The following ROBO1 variants were observed in gnomAD, a reference collection of about 807,000 sequenced individuals.
ROBO1 encodes roundabout homolog 1.
Under a neutral mutation model 195.9 loss-of-function variants are expected in ROBO1, and 149 were observed. The ratio of observed to expected loss-of-function variants is 0.76; its 90% CI spans 0.67 to 0.87. ROBO1 has a LOEUF of 0.87. Ranked by LOEUF, ROBO1 falls within the 40% of genes least tolerant of loss-of-function variation. The probability of loss-of-function intolerance (pLI) is 0.00; values close to 1 mark genes in which losing one functional copy is unlikely to be tolerated. For missense variants in ROBO1, 1,933 were observed against 2,068.3 expected (o/e 0.93, Z 1.27); for synonymous variants, 816 against 733.2 (o/e 1.11, Z -1.82).
In ROBO1 at chr3:79,697,422, T is replaced by C. The variant is rs578144990; in HGVS notation, c.-51+70330A>G. ...AATATCCAATGAGCTAGATTTAATT[T>C]TGAAATGGTCATCATATCTTAAGGA... On this transcript the variant is annotated intron_variant, in intron 1 of 30. Transcript: ENST00000464233. Among the ~76,000 whole-genome samples, 26 of 151,578 alleles carry C rather than the reference T, an allele frequency of 1.7e-4. No individual in the cohort carries two copies. In the South Asian group the frequency reaches 5.2e-3, roughly 30 times the overall value.
At chr3:79,212,581 G>T (rs962243780) in intron 2 of ROBO1, among the ~76,000 whole-genome samples, 1 of 152,112 alleles carries the variant, frequency 6.6e-6, no homozygotes, top group Non-Finnish European at 1.5e-5. Context: ...AGCACTTTGG[G>T]AGACTGAGGG....
intron 3 of ROBO1, among the ~76,000 whole-genome samples, chr3:78,982,924 A>AT (rs946510173): frequency 6.7e-6 from 1 of 149,422 alleles, no homozygotes; most frequent in African/African-American, 2.5e-5. Flanking sequence ...TTTTTTTTTT[A>AT]TTTTTTTGAG....
chr3:78,780,058 G>C (rs1340088041), intron 4 of ROBO1, among the ~76,000 whole-genome samples: 1 of 152,070 alleles, frequency 6.6e-6, no homozygotes, highest in Admixed American at 6.6e-5. Flanking sequence ...TTTACAATGA[G>C]AACACATGGA....
intron 2 of ROBO1, among the ~76,000 whole-genome samples, chr3:79,216,021 GTTGA>G (rs1385416691): frequency 5.9e-5 from 9 of 151,984 alleles, no homozygotes; most frequent in African/African-American, 2.2e-4. Context: ...AATTTTAACT[GTTGA>G]TTATTTTCTC....
chr3:78,951,189 C>T (rs376749145), intron 3 of ROBO1, among the ~76,000 whole-genome samples: 7 of 151,660 alleles, frequency 4.6e-5, no homozygotes, highest in Admixed American at 3.3e-4. Context: ...CGGATGAAAG[C>T]CTCCAAGTCC....
At chr3:79,730,686 A>G (rs1299110009) in intron 1 of ROBO1, among the ~76,000 whole-genome samples, 2 of 151,890 alleles carry the variant, frequency 1.3e-5, no homozygotes, top group East Asian at 3.9e-4. Context: ...AGAAACATGT[A>G]CCAAAAGTTC....
At chr3:79,354,164 C>A (rs1577013444) in intron 2 of ROBO1, among the ~76,000 whole-genome samples, 1 of 152,146 alleles carries the variant, frequency 6.6e-6, no homozygotes, top group Non-Finnish European at 1.5e-5. Flanking sequence ...AACACTATAA[C>A]AACTGGCCAG....
chr3:78,673,605 T>TATATATATATACAC (rs779997525), intron 10 of ROBO1, among the ~76,000 whole-genome samples: 3 of 53,276 alleles, frequency 5.6e-5, no homozygotes, highest in Non-Finnish European at 7.0e-5. Context: ...TATATATATA[T>TATATATATATACAC]ACACACATAT....
Position 78,678,230 on chromosome 3 carries a change from C to A in ROBO1, c.1342+7516G>T, listed in dbSNP as rs1195266771. On this transcript the variant is annotated intron_variant, in intron 10 of 30. Transcript: ENST00000464233. ...GCCCACAAGAGAAAGCAGGAAAGAT[C>A]CAAAATTGACACCCTAACATCACAA... is the stretch of plus-strand genomic sequence containing the variant. Among the ~76,000 whole-genome samples the A allele has an allele frequency of 9.1e-4, 137 of 150,476 alleles. 2 individuals are homozygous for A. The highest frequency in any genetic ancestry group is 3.1e-3 in the African/African-American group (128 of 41,098).
chr3:78,633,702 T>C (rs1705316063), intron 24 of ROBO1, among the ~76,000 whole-genome samples: 1 of 152,184 alleles, frequency 6.6e-6, no homozygotes, highest in Non-Finnish European at 1.5e-5. Flanking sequence ...TTGCTAAAGC[T>C]CATTAACAAG....
chr3:79,339,354 A>T (rs2034814151), intron 2 of ROBO1, among the ~76,000 whole-genome samples: 1 of 151,918 alleles, frequency 6.6e-6, no homozygotes, highest in East Asian at 1.9e-4. Flanking sequence ...CATCCCTCTT[A>T]CTTCTCTGGC....
At chr3:79,241,035 G>A (rs2108879744) in intron 2 of ROBO1, among the ~76,000 whole-genome samples, 1 of 152,154 alleles carries the variant, frequency 6.6e-6, no homozygotes, top group Non-Finnish European at 1.5e-5. Flanking sequence ...ACAAATGAAA[G>A]AAATATTTTT....
Position 79,552,004 on chromosome 3 carries a change from A to C in ROBO1, c.88+37820T>G, listed in dbSNP as rs1465295017. Among the ~76,000 whole-genome samples, 82 of 147,484 alleles carry C rather than the reference A, an allele frequency of 5.6e-4. 2 individuals are homozygous for C. The highest frequency in any genetic ancestry group is 2.0e-3 in the African/African-American group (81 of 39,946). ...TTAAAAAAAAAAAAAAAAAAAAAAA[A>C]AAAAAAAAAACAGAGCTCGAGACAT... is the stretch of plus-strand genomic sequence containing the variant. On this transcript the variant is annotated intron_variant, in intron 2 of 30. Coordinates refer to ENST00000464233, the MANE Select transcript of ROBO1 (RefSeq NM_002941.4).
chr3:79,681,961 A>G (rs552131878), intron 1 of ROBO1, among the ~76,000 whole-genome samples: 26 of 152,138 alleles, frequency 1.7e-4, no homozygotes, highest in African/African-American at 5.5e-4. Flanking sequence ...TATATACATC[A>G]CTTTCATCCT....
chr3:78,945,444 C>G (rs1318486390), intron 3 of ROBO1, among the ~76,000 whole-genome samples: 1 of 152,160 alleles, frequency 6.6e-6, no homozygotes, highest in Non-Finnish European at 1.5e-5. Context: ...TCTAACAGAC[C>G]TGCAGCTGAG....
intron 1 of ROBO1, among the ~76,000 whole-genome samples, chr3:79,722,226 T>G (rs1387172381): frequency 2.0e-5 from 3 of 152,224 alleles, no homozygotes; most frequent in Non-Finnish European, 4.4e-5. Context: ...TCTAATGGTA[T>G]GTACTGGTAG....
chr3:79,540,050 C>A (rs1481835526), intron 2 of ROBO1, among the ~76,000 whole-genome samples: 1 of 151,976 alleles, frequency 6.6e-6, no homozygotes, highest in Non-Finnish European at 1.5e-5. Context: ...TATTGGTTAA[C>A]ATTGTTTGAT....
intron 2 of ROBO1, among the ~76,000 whole-genome samples, chr3:79,435,501 TA>T (rs1352567835): frequency 3.3e-5 from 5 of 152,180 alleles, no homozygotes; most frequent in African/African-American, 4.8e-5. Flanking sequence ...TATTATTTTT[TA>T]GGTTTATTCT....
rs560505660 is a variant in ROBO1, at chr3:79,116,427, TTTTCC to T, written c.172+9024_172+9028del. On this transcript the variant is annotated intron_variant, in intron 3 of 30. Coordinates refer to ENST00000464233, the MANE Select transcript of ROBO1 (RefSeq NM_002941.4). ...CTTCCTTCCTTCCTTCTCTATTTTCTTTTCCTTTCCTTTCCTTTCCCTTTCCCTTT... is the reference window on the plus strand; with the variant it reads ...CTTCCTTCCTTCCTTCTCTATTTTCTTTTCCTTTCCTTTCCCTTTCCCTTT... 1.7e-4 allele frequency among the ~76,000 whole-genome samples: 26 copies of T among 151,134 alleles called. No homozygotes were observed. The East Asian group carries it at 3.3e-3, about 19-fold the overall frequency.
Sources: allele counts gnomAD v4.1 joint callset (sites outside exome capture counted in the v4.1 genomes callset), GRCh38; gene constraint gnomAD v4.1.1; transcripts MANE v1.5; gene names NCBI Gene and HGNC (gene_info 2026-07-23, HGNC 2026-07-21).